The following LRRC4C variants were observed in gnomAD, a reference collection of about 807,000 sequenced individuals.
LRRC4C encodes leucine-rich repeat-containing protein 4C.
LRRC4C carries 5 observed loss-of-function variants against 33.6 expected under a neutral mutation model. The ratio of observed to expected loss-of-function variants is 0.15; its 90% CI spans 0.08 to 0.31. The LOEUF (loss-of-function observed/expected upper bound fraction) is 0.31, where lower values mean the gene tolerates loss of function less well. Ranked by LOEUF, LRRC4C falls within the 10% of genes least tolerant of loss-of-function variation. LRRC4C has a pLI of 1.00. For missense variants in LRRC4C, 560 were observed against 796.7 expected (o/e 0.70, Z 3.58); for synonymous variants, 329 against 302.0 (o/e 1.09, Z -0.93).
chr11:41,310,743 C>G (rs567412020), intron 1 of LRRC4C, among the ~76,000 whole-genome samples: 20 of 152,136 alleles, frequency 1.3e-4, no homozygotes, highest in African/African-American at 4.8e-4. Context: ...TGGAAGAAAG[C>G]CACAATAAAA....
intron 6 of LRRC4C, among the ~76,000 whole-genome samples, chr11:40,122,269 G>A (rs982729757): frequency 8.6e-5 from 13 of 151,846 alleles, no homozygotes; most frequent in African/African-American, 2.4e-4. Flanking sequence ...TAAATTTTAA[G>A]TTCCTGGATA....
At chr11:40,693,650 T>C (rs1198125125) in intron 2 of LRRC4C, among the ~76,000 whole-genome samples, 1 of 152,040 alleles carries the variant, frequency 6.6e-6, no homozygotes, top group Non-Finnish European at 1.5e-5. Context: ...AAGACTCTCT[T>C]GTCAAGAGAG....
At chr11:40,496,901 A>T (rs1240679232) in intron 3 of LRRC4C, among the ~76,000 whole-genome samples, 1 of 152,192 alleles carries the variant, frequency 6.6e-6, no homozygotes, top group African/African-American at 2.4e-5. Flanking sequence ...AGGATAATTT[A>T]TATGAATGCT....
At chr11:41,134,124 G>C (rs960522427) in intron 1 of LRRC4C, among the ~76,000 whole-genome samples, 2 of 152,050 alleles carry the variant, frequency 1.3e-5, no homozygotes, top group African/African-American at 4.8e-5. Flanking sequence ...TTGAGGTGGG[G>C]TCTCACTGTG....
chr11:41,088,254 G>A (rs367559643), intron 1 of LRRC4C, among the ~76,000 whole-genome samples: 1 of 152,198 alleles, frequency 6.6e-6, no homozygotes, highest in South Asian at 2.1e-4. Flanking sequence ...CCAGGTCTGA[G>A]TCTAAAGCAA....
Position 40,115,118 on chromosome 11 carries a change from G to C in LRRC4C, c.1175C>G (p.Thr392Arg). 1 of 1,614,198 alleles carries C rather than the reference G, an allele frequency of 6.2e-7. No homozygotes were observed. The highest frequency in any genetic ancestry group is 8.5e-7 in the Non-Finnish European group (1 of 1,180,040). The change falls in exon 7 of 7, where the codon ACA becomes AGA. Residue 392 changes from threonine to arginine, a missense_variant. Physicochemically the swap from Thr to Arg is moderately conservative, Grantham distance 71 (BLOSUM62 -1). Coordinates refer to ENST00000528697, the MANE Select transcript of LRRC4C (RefSeq NM_001258419.2). The surrounding 1 kb of genome is among the most constrained non-coding windows in gnomAD (Gnocchi z 6.7). The part of the protein sequence containing the change: ...TSVSWITPNG[T>R]VMTHGAYKVR... Reference sequence around the variant, plus strand: ...TTTGTACGCCCCATGTGTCATGACTGTTCCATTTGGAGTAATCCAAGATAC... The same window carrying C: ...TTTGTACGCCCCATGTGTCATGACTCTTCCATTTGGAGTAATCCAAGATAC...
intron 2 of LRRC4C, among the ~76,000 whole-genome samples, chr11:40,834,841 AC>A (rs1373051345): frequency 6.6e-6 from 1 of 151,612 alleles, no homozygotes; most frequent in Non-Finnish European, 1.5e-5. Context: ...TTTGGGTAGG[AC>A]TGAGAAAGAG....
intron 1 of LRRC4C, among the ~76,000 whole-genome samples, chr11:41,312,462 C>A (rs1950669503): frequency 6.6e-6 from 1 of 152,150 alleles, no homozygotes; most frequent in South Asian, 2.1e-4. Flanking sequence ...GTTACTAGTT[C>A]ACTGTGTGAT....
intron 2 of LRRC4C, among the ~76,000 whole-genome samples, chr11:40,718,262 C>T (rs972863446): frequency 9.2e-5 from 14 of 152,090 alleles, no homozygotes; most frequent in African/African-American, 1.4e-4. Context: ...TGAGGGGTGT[C>T]GGTGCTACAG....
chr11:40,446,315 T>C (rs1951634213), intron 3 of LRRC4C: 1 of 152,196 alleles, frequency 6.6e-6, no homozygotes, highest in South Asian at 2.1e-4. Context: ...AAGACTCCAT[T>C]GCATCAGGAT....
At chr11:41,306,608 A>G (rs1950512292) in intron 1 of LRRC4C, among the ~76,000 whole-genome samples, 1 of 152,214 alleles carries the variant, frequency 6.6e-6, no homozygotes, top group Non-Finnish European at 1.5e-5. Flanking sequence ...TGGAGAATGC[A>G]TGCTAAAGGG....
At chr11:41,446,853 T>A (rs144606433) in intron 1 of LRRC4C, among the ~76,000 whole-genome samples, 2 of 152,306 alleles carry the variant, frequency 1.3e-5, no homozygotes, top group African/African-American at 4.8e-5. Flanking sequence ...CTGTGGTTCA[T>A]TGTTGCTAGA....
intron 2 of LRRC4C, among the ~76,000 whole-genome samples, chr11:40,809,436 A>T (rs546724059): frequency 1.3e-5 from 2 of 152,118 alleles, no homozygotes; most frequent in African/African-American, 4.8e-5. Flanking sequence ...TTTTGTTCAA[A>T]CTTTTTTCAC....
chr11:41,384,799 C>G (rs1289127369), intron 1 of LRRC4C, among the ~76,000 whole-genome samples: 3 of 148,946 alleles, frequency 2.0e-5, no homozygotes, highest in Admixed American at 6.7e-5. Context: ...TTTTAAAACT[C>G]CCCAAAAAGT....
At chr11:40,268,471 T>C (rs1942448747) in intron 4 of LRRC4C, among the ~76,000 whole-genome samples, 1 of 152,172 alleles carries the variant, frequency 6.6e-6, no homozygotes, top group African/African-American at 2.4e-5. Flanking sequence ...TATACTTTTA[T>C]TACTTTATAG....
rs77809939 is a variant in LRRC4C, at chr11:41,360,574, G to A, written c.-496+98857C>T. On this transcript the variant is annotated intron_variant, in intron 1 of 6. Coordinates refer to ENST00000528697, the MANE Select transcript of LRRC4C (RefSeq NM_001258419.2). ...CCAGGATGAAGGAGGCTATAAAAGA[G>A]TTCCTTGAAGAAGTTATGCTTAAGT... Among the ~76,000 whole-genome samples, 1,425 of 152,272 alleles carry A rather than the reference G, an allele frequency of 9.4e-3. 23 individuals carry two copies. Among genetic ancestry groups the A allele is most frequent in the African/African-American group, 0.032 (1,344 of 41,556 alleles).
At chr11:41,251,051 T>G (rs997458040) in intron 1 of LRRC4C, among the ~76,000 whole-genome samples, 4 of 152,220 alleles carry the variant, frequency 2.6e-5, no homozygotes, top group African/African-American at 9.6e-5. Flanking sequence ...CTATCAATTC[T>G]TATTTTACTT....
intron 3 of LRRC4C, among the ~76,000 whole-genome samples, chr11:40,628,797 T>C (rs867170464): frequency 2.6e-5 from 4 of 152,204 alleles, no homozygotes; most frequent in Middle Eastern, 3.2e-3. Context: ...CTAGCTCTTA[T>C]AAACAGTTGA....
At chr11:40,670,852 C>T (rs184151641) in intron 2 of LRRC4C, among the ~76,000 whole-genome samples, 91 of 152,328 alleles carry the variant, frequency 6.0e-4, no homozygotes, top group African/African-American at 2.1e-3. Context: ...CAAGCTCCGC[C>T]TCCCGGGTTC....
Sources: allele counts gnomAD v4.1 joint callset (sites outside exome capture counted in the v4.1 genomes callset), GRCh38; gene constraint gnomAD v4.1.1; non-coding constraint Gnocchi (gnomAD v3.1); transcripts MANE v1.5; gene names NCBI Gene and HGNC (gene_info 2026-07-23, HGNC 2026-07-21).